ATE1: variants seen among roughly 807,000 people sequenced by gnomAD.
The protein encoded by ATE1 is arginyltransferase 1, also known as arginyl-tRNA--protein transferase 1.
In ATE1, 36 loss-of-function variants were observed where a neutral mutation model predicts 70.5. The observed-to-expected ratio is 0.51, with a 90% confidence interval of 0.39 to 0.67. The LOEUF (loss-of-function observed/expected upper bound fraction) is 0.67, where lower values mean the gene tolerates loss of function less well. Among genes scored for constraint, ATE1 ranks in the 30% least tolerant of loss-of-function variants. ATE1 has a pLI of 0.00. For synonymous variants in ATE1, 232 were observed against 219.3 expected, an observed-to-expected ratio of 1.06 and a Z score of -0.51; for missense variants, 593 against 629.5, an observed-to-expected ratio of 0.94 and a Z score of 0.62.
intron 3 of ATE1, among the ~76,000 whole-genome samples, chr10:121,918,790 C>G (rs1342310652): frequency 7.2e-6 from 1 of 138,170 alleles, no homozygotes; most frequent in Non-Finnish European, 1.5e-5. Context: ...CAACGGCCAG[C>G]TGGACTTCTG....
rs386372688 is a variant in ATE1 at position 121,853,361 on chromosome 10, C to CAA, written c.976-12100_976-12099dup. ...TGGGGAACAAAGTTAGACTCTGTCT[C>CAA]AAAAAAAAAAAAAAAAAAAACTAAA... On this transcript the variant is annotated intron_variant, in intron 8 of 11. Transcript: ENST00000224652. Among the ~76,000 whole-genome samples the CAA allele has an allele frequency of 4.8e-3, 332 of 68,900 alleles. 4 individuals carry two copies. The highest frequency in any genetic ancestry group is 6.5e-3 in the Non-Finnish European group (227 of 34,800). The allele number at this position is 68,900 out of a possible 152,430, so 45.2% of individuals were successfully genotyped here.
chr10:121,743,424 G>T lies in ATE1; in HGVS notation c.*256C>A. ...AAACAGGAGAATTTGAGCGTATCTT[G>T]CTCTAGAAAGAATCCTCCAAAATGA... is the stretch of plus-strand genomic sequence containing the variant. On this transcript the variant is annotated 3_prime_UTR_variant, in exon 12 of 12. Coordinates refer to ENST00000224652, the MANE Select transcript of ATE1 (RefSeq NM_001001976.3). The T allele has an allele frequency of 5.7e-6, 3 of 522,918 alleles. No individual in the cohort carries two copies. Among genetic ancestry groups the T allele is most frequent in the Non-Finnish European group, 8.2e-6 (3 of 364,836 alleles). 32.4% of individuals were successfully genotyped at this position (522,918 alleles called of 1,614,324 possible). A position where few individuals can be genotyped will look rare whatever the true frequency, so the allele number is the denominator to read the frequency against.
intron 11 of ATE1, among the ~76,000 whole-genome samples, chr10:121,760,496 TG>T (rs1944995497): frequency 6.6e-6 from 1 of 152,210 alleles, no homozygotes; most frequent in Non-Finnish European, 1.5e-5. Context: ...AGGAAGTTAC[TG>T]AAGCTGCAGT....
intron 10 of ATE1, among the ~76,000 whole-genome samples, chr10:121,810,472 G>A (rs192945547): frequency 6.3e-4 from 96 of 151,812 alleles, no homozygotes; most frequent in African/African-American, 2.1e-3. Context: ...GGGTTTCACC[G>A]TGTTAGCCAG....
chr10:121,852,410 T>A (rs1051587296), intron 8 of ATE1, among the ~76,000 whole-genome samples: 1 of 152,038 alleles, frequency 6.6e-6, no homozygotes, highest in African/African-American at 2.4e-5. Context: ...TTTTTTATTT[T>A]TTTTTAACAG....
At chr10:121,855,683 G>A (rs1212448739) in intron 8 of ATE1, among the ~76,000 whole-genome samples, 1 of 152,156 alleles carries the variant, frequency 6.6e-6, no homozygotes, top group African/African-American at 2.4e-5. Flanking sequence ...TTGATTTACA[G>A]AGATAAGAAA....
intron 8 of ATE1, among the ~76,000 whole-genome samples, chr10:121,864,328 G>T (rs1949583762): frequency 6.6e-6 from 1 of 152,130 alleles, no homozygotes; most frequent in South Asian, 2.1e-4. Flanking sequence ...CCCTCACATG[G>T]GCAGTTCACA....
intron 3 of ATE1, among the ~76,000 whole-genome samples, chr10:121,920,408 TAC>T (rs933035705): frequency 1.3e-5 from 2 of 151,960 alleles, no homozygotes; most frequent in African/African-American, 4.8e-5. Flanking sequence ...GGTGTGTACC[TAC>T]AGTCCCAGCT....
At chr10:121,793,519 T>C (rs923956889) in intron 10 of ATE1, among the ~76,000 whole-genome samples, 1 of 152,188 alleles carries the variant, frequency 6.6e-6, no homozygotes, top group African/African-American at 2.4e-5. Context: ...CTCACATCCT[T>C]ACCAAGATAG....
At chr10:121,849,505 G>T (rs1444850582) in intron 8 of ATE1, among the ~76,000 whole-genome samples, 1 of 152,110 alleles carries the variant, frequency 6.6e-6, no homozygotes, top group Non-Finnish European at 1.5e-5. Context: ...GTGGAAGCTG[G>T]GGTCTTCCCC....
chr10:121,849,789 T>C (rs528769232), intron 8 of ATE1, among the ~76,000 whole-genome samples: 10 of 152,228 alleles, frequency 6.6e-5, no homozygotes, highest in Admixed American at 6.5e-4. Context: ...GCCTGAGATA[T>C]TGATTCTCTT....
At chr10:121,850,314 C>T (rs1358469198) in intron 8 of ATE1, among the ~76,000 whole-genome samples, 2 of 152,126 alleles carry the variant, frequency 1.3e-5, no homozygotes, top group African/African-American at 4.8e-5. Flanking sequence ...GGGGTATCCT[C>T]CAACTCTCTA....
intron 7 of ATE1, among the ~76,000 whole-genome samples, chr10:121,890,629 T>C (rs1051455260): frequency 3.9e-5 from 6 of 152,182 alleles, no homozygotes; most frequent in Non-Finnish European, 8.8e-5. Context: ...TAGGCTGTTT[T>C]TGAGACAGTA....
chr10:121,866,624 G>A (rs1177651306), intron 8 of ATE1, among the ~76,000 whole-genome samples: 2 of 152,110 alleles, frequency 1.3e-5, no homozygotes, highest in African/African-American at 4.8e-5. Flanking sequence ...CAGGCGGGTG[G>A]ATCACTTGAG....
rs1241539791 is a variant in ATE1 at position 121,902,588 on chromosome 10, G to A, written c.616C>T (p.Arg206Ter). The change falls in exon 6 of 12, where the codon CGA (arginine) becomes TGA (stop). Residue 206 changes from arginine (R) to a stop codon, truncating the protein, a stop_gained. Coordinates refer to ENST00000224652, the MANE Select transcript of ATE1 (RefSeq NM_001001976.3). LOFTEE classifies it high-confidence loss of function. ...KGADLSKPPC[R>*]KAKEIRKERK... ...TCTTTCCGGATTTCCTTTGCTTTTC[G>A]ACATGGAGGCTTACTCAAATCAGCC... The A allele has an allele frequency of 1.2e-6, 2 of 1,612,940 alleles. No homozygotes were observed. The highest frequency in any genetic ancestry group is 1.7e-6 in the Non-Finnish European group (2 of 1,179,364).
intron 11 of ATE1, among the ~76,000 whole-genome samples, chr10:121,774,668 A>G (rs1245090544): frequency 6.6e-6 from 1 of 152,200 alleles, no homozygotes; most frequent in Non-Finnish European, 1.5e-5. Context: ...TGGAAGAGAC[A>G]GAAACTGTGT....
At chr10:121,749,139 C>T (rs896847325) in intron 11 of ATE1, among the ~76,000 whole-genome samples, 1 of 152,162 alleles carries the variant, frequency 6.6e-6, no homozygotes, top group Non-Finnish European at 1.5e-5. Flanking sequence ...CCTGCCCATA[C>T]CTTCCTTCAA....
chr10:121,808,860 G>C (rs1051954465), intron 10 of ATE1, among the ~76,000 whole-genome samples: 11 of 152,246 alleles, frequency 7.2e-5, no homozygotes, highest in Admixed American at 5.2e-4. Context: ...TTTCTTAAAG[G>C]TTATTCCCAA....
intron 7 of ATE1, among the ~76,000 whole-genome samples, chr10:121,895,998 G>A (rs1950768134): frequency 6.6e-6 from 1 of 151,768 alleles, no homozygotes; most frequent in Non-Finnish European, 1.5e-5. Context: ...TGGTACTGTA[G>A]TTATATATTT....
Sources: gnomAD v4.1 joint callset for allele counts (sites outside exome capture counted in the v4.1 genomes callset) on GRCh38, gnomAD v4.1.1 for gene constraint, MANE v1.5 for transcripts, NCBI Gene and HGNC (gene_info 2026-07-23, HGNC 2026-07-21) for gene names.